Variants in SERPINA6 observed in about 807,000 individuals in gnomAD.
The protein encoded by SERPINA6 is serpin family A member 6.
SERPINA6 carries 19 observed loss-of-function variants against 26.4 expected under a neutral mutation model. The observed-to-expected ratio is 0.72, with a 90% confidence interval of 0.50 to 1.06. The LOEUF (loss-of-function observed/expected upper bound fraction) is 1.06, where lower values mean the gene tolerates loss of function less well. SERPINA6 is among the 50% of genes least tolerant of loss of function. SERPINA6 has a pLI of 0.00. For missense variants in SERPINA6, 473 were observed against 504.0 expected (o/e 0.94, Z 0.59); for synonymous variants, 196 against 199.4 (o/e 0.98, Z 0.14).
chr14:94,306,796 G>T (rs1235187472), intron 3 of SERPINA6, among the ~76,000 whole-genome samples: 1 of 152,250 alleles, frequency 6.6e-6, no homozygotes, highest in African/African-American at 2.4e-5. Flanking sequence ...GAAGCAGGTG[G>T]GGTTTCTAGA....
chr14:94,314,148 GC>G lies in SERPINA6; in HGVS notation c.500del (p.Ser167ThrfsTer63). 6.2e-7 allele frequency: 1 copy of G among 1,614,200 alleles called. No homozygotes were observed. The highest frequency in any genetic ancestry group is 8.5e-7 in the Non-Finnish European group (1 of 1,180,026). On this transcript the variant is annotated frameshift_variant, in exon 2 of 5. Coordinates refer to ENST00000341584, the MANE Select transcript of SERPINA6 (RefSeq NM_001756.4). LOFTEE classifies it high-confidence loss of function. ...TCTTGACATAGCTGTTGATCTGTCT[GC>G]TGGCTGTTGCCCAGTCCTGGAAATT... Reference protein sequence around the residue: ...AMNFQDWATASRQINSYVKNK... With the variant: ...AMNFQDWATAXRQINSYVKNK...
At chr14:94,308,582 A>G (rs1002504033) in intron 3 of SERPINA6, among the ~76,000 whole-genome samples, 1 of 151,656 alleles carries the variant, frequency 6.6e-6, no homozygotes, top group African/African-American at 2.4e-5. Context: ...CCCCCCTGCC[A>G]CCAGGTTTCA....
chr14:94,314,252 G>C lies in SERPINA6; in HGVS notation c.397C>G (p.Leu133Val). 1 of 1,614,198 alleles carries C rather than the reference G, an allele frequency of 6.2e-7. No homozygotes were observed. The highest frequency in any genetic ancestry group is 8.5e-7 in the Non-Finnish European group (1 of 1,180,032). Residue 133 changes from leucine to valine, a missense_variant, in exon 2 of 5, where the codon CTT becomes GTT. Physicochemically the swap from Leu to Val is conservative, Grantham distance 32 (BLOSUM62 1). Transcript: ENST00000341584. ...LEMTMGNALFLDGSLELLESF... is the reference protein window; with the variant it reads ...LEMTMGNALFVDGSLELLESF... ...TCCAGCAACTCCAGGCTGCCATCAA[G>C]AAACAAGGCATTGCCCATGGTCATT... is the stretch of plus-strand genomic sequence containing the variant.
In SERPINA6 at chr14:94,312,129, T is replaced by C. The variant is rs542349786; in HGVS notation, c.613+1907A>G. 2.0e-5 allele frequency among the ~76,000 whole-genome samples: 3 copies of C among 152,338 alleles called. No individual in the cohort carries two copies. In the East Asian group the frequency reaches 5.8e-4, roughly 29 times the overall value. ...CACTCACGGATTCGTTTTGTTGTAT[T>C]ATAGAAAATCTGTGTACAATGAGGC... On this transcript the variant is annotated intron_variant, in intron 2 of 4. Coordinates refer to ENST00000341584, the MANE Select transcript of SERPINA6 (RefSeq NM_001756.4).
chr14:94,310,657 G>A (rs72704352), intron 2 of SERPINA6, among the ~76,000 whole-genome samples: 12,305 of 152,134 alleles, frequency 0.081, 777 homozygotes, highest in Admixed American at 0.2. Context: ...GGCGGTACTC[G>A]TCAGCTCTGA....
chr14:94,312,750 G>A (rs936813571), intron 2 of SERPINA6, among the ~76,000 whole-genome samples: 1 of 152,152 alleles, frequency 6.6e-6, no homozygotes, highest in African/African-American at 2.4e-5. Context: ...AGGACTCGTA[G>A]AGATGCTAAG....
rs767521744 is a variant in SERPINA6 at position 94,304,555 on chromosome 14, C to A, written c.1081G>T (p.Ala361Ser). ...TTTAGGGTGACCCCAGTGGAGCCAGCTGTGTCCACACCCTCCTCATTGAGT... is the reference window on the plus strand; with the variant it reads ...TTTAGGGTGACCCCAGTGGAGCCAGATGTGTCCACACCCTCCTCATTGAGT... ...LQLNEEGVDT[A>S]GSTGVTLNLT... The change falls in exon 5 of 5, where the codon GCT becomes TCT. Residue 361 changes from alanine to serine, a missense_variant. Physicochemically the swap from Ala to Ser is moderately conservative, Grantham distance 99. Coordinates refer to ENST00000341584, the MANE Select transcript of SERPINA6 (RefSeq NM_001756.4). 1.5e-5 allele frequency: 24 copies of A among 1,614,100 alleles called. No homozygotes were observed. The highest frequency in any genetic ancestry group is 3.3e-4 in the Middle Eastern group (2 of 6,084).
At chr14:94,312,087 C>T (rs1214422716) in intron 2 of SERPINA6, among the ~76,000 whole-genome samples, 5 of 152,020 alleles carry the variant, frequency 3.3e-5, no homozygotes, top group South Asian at 4.1e-4. Context: ...AGTATTTTGC[C>T]AAAAGTTTTA....
intron 2 of SERPINA6, 143 bp from the exon 3 acceptor site, chr14:94,310,149 G>A: frequency 1.2e-6 from 1 of 829,078 alleles, no homozygotes; most frequent in Non-Finnish European, 2.0e-6. Flanking sequence ...TTTTAGGTAA[G>A]ATATAAAAAT....
intron 1 of SERPINA6, among the ~76,000 whole-genome samples, chr14:94,317,363 A>T (rs1481870759): frequency 6.6e-6 from 1 of 152,212 alleles, no homozygotes; most frequent in African/African-American, 2.4e-5. Flanking sequence ...AGATTGAGAC[A>T]GTCAAGTGTA....
chr14:94,315,898 C>T (rs1406067215), intron 1 of SERPINA6, among the ~76,000 whole-genome samples: 1 of 148,840 alleles, frequency 6.7e-6, no homozygotes. Flanking sequence ...TATTCTCATC[C>T]CTTTGTGGTT....
chr14:94,304,414 T>A lies in SERPINA6; in HGVS notation c.*4A>T. The A allele has an allele frequency of 6.2e-7, 1 of 1,613,924 alleles. No individual in the cohort carries two copies. The highest frequency in any genetic ancestry group is 8.5e-7 in the Non-Finnish European group (1 of 1,179,886). ...CAGTGCTGAGGCTCTGGGTGGGTGG[T>A]CTCTTACACTGGGTTCATAACCCTC... is the stretch of plus-strand genomic sequence containing the variant. On this transcript the variant is annotated 3_prime_UTR_variant, in exon 5 of 5. Coordinates refer to ENST00000341584, the MANE Select transcript of SERPINA6 (RefSeq NM_001756.4).
In SERPINA6 at chr14:94,306,210, T is replaced by A. The variant is rs1211981205; in HGVS notation, c.893A>T (p.Asp298Val). 6.2e-7 allele frequency: 1 copy of A among 1,614,126 alleles called. No homozygotes were observed. The highest frequency in any genetic ancestry group is 1.7e-5 in the Admixed American group (1 of 60,018). Reference protein sequence around the residue: ...WSAGLTSSQVDLYIPKVTISG... With the variant: ...WSAGLTSSQVVLYIPKVTISG... ...GATGGTGACCTTTGGAATGTACAGG[T>A]CCACCTGGCTGCTCGGGGTAAGCAG... The change falls in exon 4 of 5, where the codon GAC becomes GTC. Residue 298 changes from aspartate to valine, a missense_variant. Physicochemically the swap from Asp to Val is radical, Grantham distance 152. Transcript: ENST00000341584.
intron 3 of SERPINA6, 93 bp from the exon 4 acceptor site, chr14:94,306,311 C>A (rs929866404): frequency 1.5e-6 from 2 of 1,357,408 alleles, no homozygotes; most frequent in Admixed American, 3.6e-5. Context: ...ACTCTTATTT[C>A]CTCATGCGCT....
chr14:94,304,431 A>C lies in SERPINA6; in HGVS notation c.1205T>G (p.Met402Arg). The C allele has an allele frequency of 6.2e-7, 1 of 1,614,138 alleles. No individual in the cohort carries two copies. Among genetic ancestry groups the C allele is most frequent in the African/African-American group, 1.3e-5 (1 of 75,052 alleles). The change falls in exon 5 of 5, where the codon ATG (methionine) becomes AGG (arginine). Residue 402 changes from methionine (M) to arginine (R), a missense_variant. By Grantham distance (91) the Met-to-Arg change is moderately conservative. Coordinates refer to ENST00000341584, the MANE Select transcript of SERPINA6 (RefSeq NM_001756.4). The stretch of plus-strand genomic sequence containing the variant: ...GTGGGTGGTCTCTTACACTGGGTTC[A>C]TAACCCTCGCCAGGAAAAGGCTGCT... ...TWSSLFLARVMNPV is the reference protein window; with the variant it reads ...TWSSLFLARVRNPV
chr14:94,304,410 G>T lies in SERPINA6; in HGVS notation c.*8C>A. 1 of 1,613,804 alleles carries T rather than the reference G, an allele frequency of 6.2e-7. No homozygotes were observed. Among genetic ancestry groups the T allele is most frequent in the Non-Finnish European group, 8.5e-7 (1 of 1,179,730 alleles). The stretch of plus-strand genomic sequence containing the variant: ...CAGACAGTGCTGAGGCTCTGGGTGG[G>T]TGGTCTCTTACACTGGGTTCATAAC... On this transcript the variant is annotated 3_prime_UTR_variant, in exon 5 of 5. Coordinates refer to ENST00000341584, the MANE Select transcript of SERPINA6 (RefSeq NM_001756.4).
chr14:94,323,032 C>G (rs968866030), intron 1 of SERPINA6, among the ~76,000 whole-genome samples: 3 of 152,210 alleles, frequency 2.0e-5, no homozygotes, highest in Non-Finnish European at 2.9e-5. Context: ...TCTGTGTCAG[C>G]CCCCTGCATG....
rs761805650 is a variant in SERPINA6 at position 94,306,076 on chromosome 14, A to G, written c.1027T>C (p.Ser343Pro). 1.2e-6 allele frequency: 2 copies of G among 1,614,196 alleles called. No individual in the cohort carries two copies. Among genetic ancestry groups the G allele is most frequent in the Non-Finnish European group, 8.5e-7 (1 of 1,180,026 alleles). ...TGGGTTCCCATGACATTTACCTTTG[A>G]TGACTTCAGCTGGGCGTCCTGGGTG... Reference protein sequence around the residue: ...RITQDAQLKSSKVVHKAVLQL... With the variant: ...RITQDAQLKSPKVVHKAVLQL... Residue 343 changes from serine (S) to proline (P), a missense_variant, in exon 4 of 5, where the codon TCA becomes CCA. Transcript: ENST00000341584.
intron 1 of SERPINA6, among the ~76,000 whole-genome samples, chr14:94,315,482 ATTTTTCAG>A (rs1895602023): frequency 6.6e-6 from 1 of 152,048 alleles, no homozygotes; most frequent in Admixed American, 6.6e-5. Flanking sequence ...TCCTTCTGCT[ATTTTTCAG>A]TTTAGTTTGC....
Sources: gnomAD v4.1 joint callset for allele counts (sites outside exome capture counted in the v4.1 genomes callset) on GRCh38, gnomAD v4.1.1 for gene constraint, MANE v1.5 for transcripts, NCBI Gene and HGNC (gene_info 2026-07-23, HGNC 2026-07-21) for gene names.